The following CACNG6 variants were observed in gnomAD, a reference collection of about 807,000 sequenced individuals.
The protein encoded by CACNG6 is calcium voltage-gated channel auxiliary subunit gamma 6, also known as voltage-dependent calcium channel gamma-6 subunit.
Under a neutral mutation model 23.9 loss-of-function variants are expected in CACNG6, and 21 were observed. That is an observed-to-expected ratio of 0.88 (90% CI 0.62 to 1.26). CACNG6 has a LOEUF of 1.26. CACNG6 is among the 50% of genes most tolerant of loss of function. The pLI is 0.00. For missense variants in CACNG6, 340 were observed against 352.9 expected (o/e 0.96, Z 0.29); for synonymous variants, 182 against 168.9 (o/e 1.08, Z -0.60).
chr19:53,991,673 G>T lies in CACNG6; in HGVS notation c.-1205G>T, dbSNP rs1486569406. Among the ~76,000 whole-genome samples, 1 of 151,936 alleles carries T rather than the reference G, an allele frequency of 6.6e-6. No homozygotes were observed. ...GGTGGCGGGCACAGCCGGACGCTTC[G>T]GAGGCAGCGCGGAGCTGGGGTCGGC... On this transcript the variant is annotated 5_prime_UTR_variant, in exon 1 of 4. Coordinates refer to ENST00000252729, the MANE Select transcript of CACNG6 (RefSeq NM_145814.2).
intron 3 of CACNG6, among the ~76,000 whole-genome samples, chr19:54,002,631 G>C (rs1600059159): frequency 6.6e-6 from 1 of 152,086 alleles, no homozygotes; most frequent in African/African-American, 2.4e-5. Flanking sequence ...TAGCTTGCTA[G>C]GAATTTAGTG....
rs1430827048 is a variant in CACNG6 at position 53,999,643 on chromosome 19, T to G, written c.416T>G (p.Leu139Arg). The G allele has an allele frequency of 6.2e-7, 1 of 1,613,710 alleles. No individual in the cohort carries two copies. The highest frequency in any genetic ancestry group is 8.5e-7 in the Non-Finnish European group (1 of 1,179,970). Residue 139 changes from leucine to arginine, a missense_variant, in exon 3 of 4, where the codon CTG becomes CGG. Physicochemically the swap from Leu to Arg is moderately radical, Grantham distance 102. Coordinates refer to ENST00000252729, the MANE Select transcript of CACNG6 (RefSeq NM_145814.2). ...FQRTTKKEVN[L>R]AAAVIAVLGL... ...TCTCTCCTGCTGGCAGAGGTGAATC[T>G]GGCAGCTGCGGTGATAGCAGTGCTG...
At chr19:53,991,367 G>A (rs2069456572), upstream of CACNG6, among the ~76,000 whole-genome samples, 1 of 151,894 alleles carries the variant, frequency 6.6e-6, no homozygotes, top group Admixed American at 6.6e-5. Flanking sequence ...CCCGTCTCCT[G>A]CTGCCCGGGA....
At chr19:54,003,698 G>A (rs747703232) in intron 3 of CACNG6, among the ~76,000 whole-genome samples, 6 of 152,038 alleles carry the variant, frequency 3.9e-5, no homozygotes, top group Non-Finnish European at 5.9e-5. Flanking sequence ...CTTCCAAAAT[G>A]TGTTTTGAAT....
intron 3 of CACNG6, among the ~76,000 whole-genome samples, chr19:54,010,767 G>C (rs1167559630): frequency 6.6e-6 from 1 of 151,684 alleles, no homozygotes; most frequent in Non-Finnish European, 1.5e-5. Flanking sequence ...TTTTTGTAGA[G>C]ATGGAGTCTT....
intron 3 of CACNG6, among the ~76,000 whole-genome samples, chr19:54,000,936 T>C (rs577109167): frequency 2.0e-5 from 3 of 152,240 alleles, no homozygotes; most frequent in South Asian, 4.1e-4. Context: ...GAATTACTCA[T>C]GGGCACACAA....
chr19:53,992,818 C>T lies in CACNG6; in HGVS notation c.-60C>T, dbSNP rs2069475145. The T allele has an allele frequency of 1.6e-6, 2 of 1,226,406 alleles. No homozygotes were observed. The highest frequency in any genetic ancestry group is 1.1e-6 in the Non-Finnish European group (1 of 934,678). The allele number at this position is 1,226,406 out of a possible 1,614,324, so 76.0% of individuals were successfully genotyped here. On this transcript the variant is annotated 5_prime_UTR_variant, in exon 1 of 4. Coordinates refer to ENST00000252729, the MANE Select transcript of CACNG6 (RefSeq NM_145814.2). The surrounding 1 kb of genome is among the most constrained non-coding windows in gnomAD (Gnocchi z 4.1). ...GACCCCAGGCCGCTCCTCGCTCCCG[C>T]CCCTCGAGGCCCTTCGCCGGCTCTG... is the stretch of plus-strand genomic sequence containing the variant.
rs1383002052 is a variant in CACNG6, at chr19:53,992,089, G to A, written c.-789G>A. 1.3e-5 allele frequency among the ~76,000 whole-genome samples: 2 copies of A among 152,152 alleles called. No homozygotes were observed. Among genetic ancestry groups the A allele is most frequent in the Non-Finnish European group, 2.9e-5 (2 of 68,018 alleles). On this transcript the variant is annotated 5_prime_UTR_variant, in exon 1 of 4. An upstream start codon of the reference 5' UTR is lost. Transcript: ENST00000252729. The surrounding 1 kb of genome is among the most constrained non-coding windows in gnomAD (Gnocchi z 4.1). Reference sequence around the variant, plus strand: ...TAGAGACCTCGGATCTTTTCTGAATGGCAGGGGAGACCCCTATCCCCTTTT... The same window carrying A: ...TAGAGACCTCGGATCTTTTCTGAATAGCAGGGGAGACCCCTATCCCCTTTT...
chr19:54,011,430 C>CA (rs59105087), intron 3 of CACNG6, among the ~76,000 whole-genome samples: 319 of 100,422 alleles, frequency 3.2e-3, no homozygotes, highest in Admixed American at 8.4e-3. Context: ...GACTCCGTCT[C>CA]AAAAAAAAAA....
Position 53,992,849 on chromosome 19 carries a change from TCC to T in CACNG6, c.-25_-24del, listed in dbSNP as rs752019144. On this transcript the variant is annotated 5_prime_UTR_variant, in exon 1 of 4. Coordinates refer to ENST00000252729, the MANE Select transcript of CACNG6 (RefSeq NM_145814.2). This position sits in a 1 kb window ranked among gnomAD's most constrained non-coding sequence, Gnocchi z 4.1. ...GAGGCCCTTCGCCGGCTCTGCCTCCTCCCCCTTCCCGACCCCACCGGCCATAA... is the reference window on the plus strand; with the variant it reads ...GAGGCCCTTCGCCGGCTCTGCCTCCTCCCTTCCCGACCCCACCGGCCATAA... The T allele has an allele frequency of 7.4e-7, 1 of 1,357,352 alleles. No individual in the cohort carries two copies. The highest frequency in any genetic ancestry group is 2.8e-5 in the East Asian group (1 of 35,548). 84.1% of individuals were successfully genotyped at this position (1,357,352 alleles called of 1,614,324 possible).
At chr19:54,011,205 A>AAAATATATATAT (rs58054808) in intron 3 of CACNG6, among the ~76,000 whole-genome samples, 9 of 102,508 alleles carry the variant, frequency 8.8e-5, no homozygotes, top group African/African-American at 4.0e-4. Context: ...AAAAAAAAAA[A>AAAATATATATAT]ATATATATAT....
chr19:54,006,425 G>A (rs1187122148), intron 3 of CACNG6, among the ~76,000 whole-genome samples: 2 of 151,802 alleles, frequency 1.3e-5, no homozygotes, highest in Admixed American at 1.3e-4. Flanking sequence ...TTTCTCCAAG[G>A]CTTCTCTTCT....
chr19:54,002,769 G>C (rs1321675743), intron 3 of CACNG6, among the ~76,000 whole-genome samples: 1 of 152,172 alleles, frequency 6.6e-6, no homozygotes, highest in Non-Finnish European at 1.5e-5. Flanking sequence ...AATTGAGAGT[G>C]AAGAAGGATT....
intron 3 of CACNG6, among the ~76,000 whole-genome samples, chr19:54,008,308 GCA>G (rs1264524309): frequency 6.6e-6 from 1 of 152,124 alleles, no homozygotes; most frequent in East Asian, 1.9e-4. Flanking sequence ...AGCTGAGATT[GCA>G]CCATTGCACT....
intron 1 of CACNG6, among the ~76,000 whole-genome samples, chr19:53,997,192 A>T: frequency 6.6e-6 from 1 of 152,232 alleles, no homozygotes; most frequent in Admixed American, 6.5e-5. Context: ...TTTTTAAATT[A>T]AATTATTAAT....
In CACNG6 at chr19:54,006,517, C is replaced by CTTTTTT. The variant is rs1236056716; in HGVS notation, c.545-5430_545-5429insTTTTTT. On this transcript the variant is annotated intron_variant, in intron 3 of 3. Transcript: ENST00000252729. The stretch of plus-strand genomic sequence containing the variant: ...GGTCTGTGTCCCCAGTTCCTTCTTT[C>CTTTTTT]TTTTCTTTTTTTTTTTTTTTTTTTT... Among the ~76,000 whole-genome samples, 49 of 107,322 alleles carry CTTTTTT rather than the reference C, an allele frequency of 4.6e-4. 1 individual carries two copies. The highest frequency in any genetic ancestry group is 6.2e-4 in the East Asian group (2 of 3,240). 70.4% of individuals were successfully genotyped at this position (107,322 alleles called of 152,430 possible).
rs2069474545 is a variant in CACNG6, at chr19:53,992,778, C to T, written c.-100C>T. ...TTTCATACCCAGGGGAAACTGAGTCCCTCACCCCCTTCAAGACCCCAGGCC... is the reference window on the plus strand; with the variant it reads ...TTTCATACCCAGGGGAAACTGAGTCTCTCACCCCCTTCAAGACCCCAGGCC... On this transcript the variant is annotated 5_prime_UTR_variant, in exon 1 of 4. Transcript: ENST00000252729. The surrounding 1 kb of genome is among the most constrained non-coding windows in gnomAD (Gnocchi z 4.1). The T allele has an allele frequency of 1.4e-6, 1 of 709,654 alleles. No homozygotes were observed. The allele number at this position is 709,654 out of a possible 1,614,324, so 44.0% of individuals were successfully genotyped here. A position where few individuals can be genotyped will look rare whatever the true frequency, so the allele number is the denominator to read the frequency against.
chr19:53,993,837 C>T (rs1398030386), intron 1 of CACNG6, among the ~76,000 whole-genome samples: 1 of 151,588 alleles, frequency 6.6e-6, no homozygotes, highest in South Asian at 2.1e-4. Context: ...CCCCCAAAGT[C>T]CCTGCCCCCA....
At chr19:54,010,724 A>G (rs8113136) in intron 3 of CACNG6, among the ~76,000 whole-genome samples, 7,027 of 151,900 alleles carry the variant, frequency 0.046, 492 homozygotes, top group African/African-American at 0.15. Context: ...ACAAGCGTGC[A>G]CCACCACACC....
Sources: gnomAD v4.1 joint callset for allele counts (sites outside exome capture counted in the v4.1 genomes callset) on GRCh38, gnomAD v4.1.1 for gene constraint, Gnocchi (gnomAD v3.1) non-coding constraint, MANE v1.5 for transcripts, NCBI Gene and HGNC (gene_info 2026-07-23, HGNC 2026-07-21) for gene names.